The following ENTPD5 variants were observed in gnomAD, a reference collection of about 807,000 sequenced individuals.
ENTPD5 encodes the protein ectonucleoside triphosphate diphosphohydrolase 5 (inactive), also known as nucleoside diphosphate phosphatase ENTPD5.
Under a neutral mutation model 60.2 loss-of-function variants are expected in ENTPD5, and 49 were observed. The ratio of observed to expected loss-of-function variants is 0.81; its 90% CI spans 0.65 to 1.03. The LOEUF is 1.03. Among genes scored for constraint, ENTPD5 ranks in the 50% least tolerant of loss-of-function variants. The pLI is 0.00. For missense variants in ENTPD5, 480 were observed against 507.6 expected (o/e 0.95, Z 0.52); for synonymous variants, 187 against 185.4 (o/e 1.01, Z -0.07).
Position 73,977,387 on chromosome 14 carries a change from GAAAAA to G in ENTPD5, c.442-18_442-14del. The G allele has an allele frequency of 1.7e-6, 2 of 1,152,334 alleles. No homozygotes were observed. The highest frequency in any genetic ancestry group is 1.4e-5 in the South Asian group (1 of 72,440). The allele number at this position is 1,152,334 out of a possible 1,614,324, so 71.4% of individuals were successfully genotyped here. A position where few individuals can be genotyped will look rare whatever the true frequency, so the allele number is the denominator to read the frequency against. ...AGATCTCCTTTACCTAGAGAAAAAG[GAAAAA>G]AAAAAAAAAAGAATTCCCTAAGGCA... is the stretch of plus-strand genomic sequence containing the variant. On this transcript the variant is annotated splice_polypyrimidine_tract_variant and intron_variant, in intron 6 of 15. Transcript: ENST00000334696.
intron 3 of ENTPD5, among the ~76,000 whole-genome samples, chr14:74,001,380 T>C (rs1048844456): frequency 1.3e-5 from 2 of 151,778 alleles, no homozygotes; most frequent in Non-Finnish European, 2.9e-5. Flanking sequence ...CGGGTGCCTA[T>C]AGTCCCAGCT....
chr14:73,977,181 G>A (rs1594865144), intron 7 of ENTPD5, 118 bp downstream of exon 7: 13 of 1,235,484 alleles, frequency 1.1e-5, no homozygotes, highest in Middle Eastern at 3.8e-4. Context: ...CCTTCTCCCT[G>A]TCTTCTATTT....
chr14:73,979,634 G>A (rs980094907), intron 6 of ENTPD5, among the ~76,000 whole-genome samples: 4 of 151,938 alleles, frequency 2.6e-5, no homozygotes, highest in East Asian at 1.9e-4. Context: ...ACCACGCCTG[G>A]CTAATTTTGT....
At chr14:73,977,081 G>A (rs765105004) in intron 7 of ENTPD5, 22 bp from the exon 8 acceptor site, 21 of 1,607,150 alleles carry the variant, frequency 1.3e-5, no homozygotes, top group East Asian at 2.2e-5. Context: ...GAAAGACAAG[G>A]ATTAGATCCC....
At chr14:73,998,130 G>C (rs2140755035) in intron 3 of ENTPD5, among the ~76,000 whole-genome samples, 1 of 152,244 alleles carries the variant, frequency 6.6e-6, no homozygotes, top group South Asian at 2.1e-4. Flanking sequence ...ATGAAAGCAG[G>C]ATGTTGGAAA....
Position 73,986,873 on chromosome 14 carries a change from C to G in ENTPD5, c.238G>C (p.Gly80Arg). The change falls in exon 5 of 16, where the codon GGG (glycine) becomes CGG (arginine). Residue 80 changes from glycine to arginine, a missense_variant. Transcript: ENST00000334696. ...GGCTTCACAGAATCAAAAACTTCCC[C>G]TTCTAGAATTGGAAGCTGTCCTATT... Reference protein sequence around the residue: ...KMPGQLPILEGEVFDSVKPGL... With the variant: ...KMPGQLPILEREVFDSVKPGL... 6.2e-7 allele frequency: 1 copy of G among 1,614,082 alleles called. No homozygotes were observed. The highest frequency in any genetic ancestry group is 8.5e-7 in the Non-Finnish European group (1 of 1,179,938).
chr14:73,973,859 T>C lies in ENTPD5; in HGVS notation c.886+18A>G. On this transcript the variant is annotated intron_variant, in intron 12 of 15. Coordinates refer to ENST00000334696, the MANE Select transcript of ENTPD5 (RefSeq NM_001249.5). The stretch of plus-strand genomic sequence containing the variant: ...CCATTGTAAACGTAACTTTAACCAG[T>C]GAAAAAACATCACTTGCCTTCTTGG... 1 of 1,606,748 alleles carries C rather than the reference T, an allele frequency of 6.2e-7. No individual in the cohort carries two copies. Among genetic ancestry groups the C allele is most frequent in the Non-Finnish European group, 8.5e-7 (1 of 1,173,374 alleles).
chr14:73,987,879 C>A lies in ENTPD5; in HGVS notation c.217+7G>T, dbSNP rs774779232. The stretch of plus-strand genomic sequence containing the variant: ...CAGACTCTACTAAGGGTCCCAGTTG[C>A]ACTTACCTGGCATTTTCTGCACAAA... On this transcript the variant is annotated splice_region_variant and intron_variant, in intron 4 of 15. Transcript: ENST00000334696. 1.2e-6 allele frequency: 2 copies of A among 1,613,764 alleles called. No individual in the cohort carries two copies. The highest frequency in any genetic ancestry group is 2.7e-5 in the African/African-American group (2 of 74,898).
downstream of ENTPD5, chr14:73,958,391 G>C (rs1157908058): frequency 6.4e-7 from 1 of 1,559,254 alleles, no homozygotes; most frequent in Non-Finnish European, 8.7e-7. Flanking sequence ...AAAACTTTTG[G>C]TTATGAGGAC....
At chr14:73,973,499 C>T (rs2057316095) in intron 12 of ENTPD5, among the ~76,000 whole-genome samples, 1 of 152,186 alleles carries the variant, frequency 6.6e-6, no homozygotes, top group African/African-American at 2.4e-5. Flanking sequence ...GAATATGCTT[C>T]TTAATTAATT....
chr14:73,962,812 G>T (rs2056808630), downstream of ENTPD5: 1 of 650,592 alleles, frequency 1.5e-6, no homozygotes, highest in African/African-American at 1.8e-5. Flanking sequence ...GTGAGACCCT[G>T]TCTCTAAAAC....
intron 1 of ENTPD5, among the ~76,000 whole-genome samples, chr14:74,017,489 G>T (rs1442433113): frequency 1.3e-5 from 2 of 148,726 alleles, no homozygotes; most frequent in African/African-American, 5.0e-5. Context: ...TGAGGCAGGA[G>T]AATCGCTTGA....
chr14:73,980,193 C>T (rs192270429), intron 6 of ENTPD5, among the ~76,000 whole-genome samples: 5 of 151,058 alleles, frequency 3.3e-5, no homozygotes, highest in East Asian at 2.0e-4. Flanking sequence ...GTGATCCGCC[C>T]GCCTCGGCCT....
In ENTPD5 at chr14:74,017,139, AG is replaced by A. The variant is rs1305732814; in HGVS notation, c.-237-1210del. Among the ~76,000 whole-genome samples the A allele has an allele frequency of 7.2e-5, 11 of 152,236 alleles. No homozygotes were observed. In the East Asian group the frequency reaches 1.5e-3, roughly 21 times the overall value. ...TTCGAGACTAGCCTGACCAAAATGGAGAAACCCCGTGTCTACTAAAATTACA... is the reference window on the plus strand; with the variant it reads ...TTCGAGACTAGCCTGACCAAAATGGAAAACCCCGTGTCTACTAAAATTACA... On this transcript the variant is annotated intron_variant, in intron 1 of 15. Coordinates refer to ENST00000334696, the MANE Select transcript of ENTPD5 (RefSeq NM_001249.5).
At chr14:74,001,254 G>A (rs2058496268) in intron 3 of ENTPD5, among the ~76,000 whole-genome samples, 1 of 152,062 alleles carries the variant, frequency 6.6e-6, no homozygotes, top group Non-Finnish European at 1.5e-5. Context: ...TGTAATCCCA[G>A]CACTTTGGGA....
chr14:74,010,554 C>CA (rs57848975), intron 3 of ENTPD5, among the ~76,000 whole-genome samples: 15,978 of 141,420 alleles, frequency 0.11, 915 homozygotes, highest in South Asian at 0.18. Flanking sequence ...AACTCTATCT[C>CA]AAAAAAAAAA....
downstream of ENTPD5, chr14:73,956,653 ATCCACTT>A (rs143222231): frequency 0.39 from 59,781 of 151,540 alleles, 12,707 homozygotes; most frequent in South Asian, 0.49. Flanking sequence ...CCATTTGTGT[ATCCACTT>A]TGGAGAAATG....
chr14:74,010,700 G>T (rs1217654885), intron 3 of ENTPD5, among the ~76,000 whole-genome samples: 1 of 152,168 alleles, frequency 6.6e-6, no homozygotes, highest in Non-Finnish European at 1.5e-5. Flanking sequence ...GCTACAGTAG[G>T]TCTACAGGAC....
chr14:74,016,989 C>T (rs1347086025), intron 1 of ENTPD5, among the ~76,000 whole-genome samples: 2 of 152,174 alleles, frequency 1.3e-5, no homozygotes, highest in East Asian at 1.9e-4. Context: ...TATGGACTCA[C>T]GGGAGTGTGA....
Sources: gnomAD v4.1 joint callset for allele counts (sites outside exome capture counted in the v4.1 genomes callset) on GRCh38, gnomAD v4.1.1 for gene constraint, MANE v1.5 for transcripts, NCBI Gene and HGNC (gene_info 2026-07-23, HGNC 2026-07-21) for gene names.